Variants in LRSAM1 observed in about 807,000 individuals in gnomAD.
LRSAM1 encodes E3 ubiquitin-protein ligase LRSAM1.
In LRSAM1, 96 loss-of-function variants were observed where a neutral mutation model predicts 118.1. That is an observed-to-expected ratio of 0.81 (90% CI 0.69 to 0.96). The LOEUF is 0.96. Among genes scored for constraint, LRSAM1 ranks in the 40% least tolerant of loss-of-function variants. The pLI, the probability that LRSAM1 is intolerant of heterozygous loss-of-function variation, is 0.00. For synonymous variants in LRSAM1, 322 were observed against 364.2 expected (o/e 0.88, Z 1.32); for missense variants, 804 against 915.5 (o/e 0.88, Z 1.57).
At chr9:127,483,041 C>T (rs1835598847) in intron 16 of LRSAM1, 21 bp downstream of exon 16, 1 of 1,605,740 alleles carries the variant, frequency 6.2e-7, no homozygotes, top group Admixed American at 1.7e-5. Context: ...GGATGGGGAG[C>T]TTGTGAGCAC....
chr9:127,492,888 G>C lies in LRSAM1; in HGVS notation c.1590G>C (p.Arg530=), dbSNP rs1835986265. The C allele has an allele frequency of 6.8e-6, 11 of 1,613,984 alleles. No individual in the cohort carries two copies. In the South Asian group the frequency reaches 1.2e-4, roughly 18 times the overall value. The part of the protein sequence containing the change: ...KEKQQREEEL[R]EILTELEAKS... ...AGCAGCAGCGAGAGGAAGAGCTCCGGGAAATCCTGGTATGTGTTTGGCTTC... is the reference window on the plus strand; with the variant it reads ...AGCAGCAGCGAGAGGAAGAGCTCCGCGAAATCCTGGTATGTGTTTGGCTTC... Residue 530 remains arginine (R), a synonymous_variant, in exon 21 of 26, where the codon CGG becomes CGC. Coordinates refer to ENST00000300417, the MANE Select transcript of LRSAM1 (RefSeq NM_001005373.4).
chr9:127,501,210 C>T (rs1033432717), intron 25 of LRSAM1, 67 bp downstream of exon 25: 89 of 1,578,200 alleles, frequency 5.6e-5, no homozygotes, highest in Non-Finnish European at 7.0e-5. Flanking sequence ...TCTGCAGGTA[C>T]AGGGTTGTCT....
intron 23 of LRSAM1, among the ~76,000 whole-genome samples, chr9:127,496,827 C>T (rs369492293): frequency 5.3e-5 from 8 of 152,346 alleles, no homozygotes; most frequent in Admixed American, 2.6e-4. Flanking sequence ...AAGGCCATGC[C>T]GCTCAGGCTC....
intron 18 of LRSAM1, among the ~76,000 whole-genome samples, chr9:127,488,538 A>G (rs1310161135): frequency 6.6e-6 from 1 of 151,764 alleles, no homozygotes; most frequent in Non-Finnish European, 1.5e-5. Context: ...CTGGATTTAC[A>G]GGCATCAGAC....
At position 127,479,830 on chromosome 9, in the gene LRSAM1, C is replaced by T. The variant is rs1539568; in HGVS notation, c.904-9C>T. Reference sequence around the variant, plus strand: ...CCCAGGGGCTCAGGACCCCTACCTCCGGCTGCAGGAGCAGTCCCGGCTGGA... The same window carrying T: ...CCCAGGGGCTCAGGACCCCTACCTCTGGCTGCAGGAGCAGTCCCGGCTGGA... On this transcript the variant is annotated splice_polypyrimidine_tract_variant and intron_variant, in intron 13 of 25. Transcript: ENST00000300417. 737,485 of 1,610,924 alleles carry T rather than the reference C, an allele frequency of 0.46. 175,002 individuals are homozygous for T. Among genetic ancestry groups the T allele is most frequent in the Non-Finnish European group, 0.49 (573,019 of 1,177,678 alleles).
Position 127,479,381 on chromosome 9 carries a change from A to G in LRSAM1, c.781-2A>G, listed in dbSNP as rs778996687. The G allele has an allele frequency of 6.2e-7, 1 of 1,614,164 alleles. No individual in the cohort carries two copies. The stretch of plus-strand genomic sequence containing the variant: ...ACAGTCACCAGGATCTGTGTCTTGC[A>G]GGAACAGAAGATGCTGGAGAAACTC... On this transcript the variant is annotated splice_acceptor_variant, in intron 12 of 25. Transcript: ENST00000300417. LOFTEE classifies it high-confidence loss of function.
chr9:127,485,980 C>T (rs989909418), intron 17 of LRSAM1, 145 bp downstream of exon 17: 28 of 729,040 alleles, frequency 3.8e-5, no homozygotes, highest in Admixed American at 3.2e-4. Context: ...GTGATGGCTG[C>T]TCTTCCTGAG....
At chr9:127,497,394 T>A (rs1411846766) in intron 24 of LRSAM1, 60 bp downstream of exon 24, 8 of 1,510,244 alleles carry the variant, frequency 5.3e-6, no homozygotes, top group Admixed American at 3.4e-5. Flanking sequence ...TGGGCTCTGG[T>A]GGGGACAGTC....
chr9:127,501,930 C>A (rs1477304741), intron 25 of LRSAM1, among the ~76,000 whole-genome samples: 2 of 152,196 alleles, frequency 1.3e-5, no homozygotes, highest in Admixed American at 1.3e-4. Flanking sequence ...CCTATTGGTT[C>A]CAAATATAAT....
At chr9:127,495,504 CTCT>C in intron 22 of LRSAM1, 86 bp downstream of exon 22, 1 of 1,108,974 alleles carries the variant, frequency 9.0e-7, no homozygotes, top group African/African-American at 1.5e-5. Context: ...CATGCTCTGC[CTCT>C]TGTTACTTTT....
intron 17 of LRSAM1, chr9:127,487,437 G>T (rs1358190620): frequency 6.4e-6 from 3 of 467,076 alleles, no homozygotes; most frequent in Admixed American, 6.0e-5. Context: ...GGCAGGTTGG[G>T]TGAGAGGACC....
At chr9:127,487,611 C>A (rs763505762) in intron 17 of LRSAM1, 65 bp from the exon 18 acceptor site, 29 of 1,464,720 alleles carry the variant, frequency 2.0e-5, no homozygotes, top group Non-Finnish European at 2.4e-5. Flanking sequence ...CTCCAAGGGG[C>A]CTGGCACATA....
chr9:127,488,945 C>A, intron 18 of LRSAM1, among the ~76,000 whole-genome samples: 1 of 152,162 alleles, frequency 6.6e-6, no homozygotes, highest in Non-Finnish European at 1.5e-5. Context: ...CTTCCCTCGC[C>A]TTTCTCCCCT....
intron 6 of LRSAM1, 50 bp downstream of exon 6, chr9:127,457,443 C>T (rs112435797): frequency 2.4e-5 from 38 of 1,578,186 alleles, no homozygotes; most frequent in East Asian, 2.0e-4. Flanking sequence ...GGGTTCCACG[C>T]GGCAGCTGAG....
chr9:127,479,541 C>T, intron 13 of LRSAM1, 36 bp downstream of exon 13: 3 of 1,611,650 alleles, frequency 1.9e-6, no homozygotes, highest in African/African-American at 2.7e-5. Context: ...AGCCTGGCTG[C>T]ATCCCCCAGC....
At chr9:127,484,263 C>CTTTTTTTTTTTTTTTTTTTTTT (rs35834839) in intron 16 of LRSAM1, among the ~76,000 whole-genome samples, 1 of 133,666 alleles carries the variant, frequency 7.5e-6, no homozygotes, top group African/African-American at 2.8e-5. Flanking sequence ...ATTTCTTTCC[C>CTTTTTTTTTTTTTTTTTTTTTT]TTTTTTTTTT....
intron 8 of LRSAM1, 112 bp from the exon 9 acceptor site, chr9:127,462,140 G>T (rs1834770588): frequency 2.0e-6 from 3 of 1,486,420 alleles, no homozygotes; most frequent in Non-Finnish European, 2.8e-6. Context: ...AAACCTCAGA[G>T]CCCAGGATCT....
intron 20 of LRSAM1, among the ~76,000 whole-genome samples, chr9:127,491,677 T>C (rs1835939061): frequency 6.6e-6 from 1 of 152,232 alleles, no homozygotes; most frequent in African/African-American, 2.4e-5. Context: ...CTGGAGCTTT[T>C]GGGTGTCCCG....
Position 127,502,869 on chromosome 9 carries a change from C to T in LRSAM1, c.2142C>T (p.Ala714=), listed in dbSNP as rs985522732. The T allele has an allele frequency of 6.2e-7, 1 of 1,608,348 alleles. No homozygotes were observed. The highest frequency in any genetic ancestry group is 1.7e-5 in the Admixed American group (1 of 59,394). Residue 714 remains alanine, a synonymous_variant, in exon 26 of 26, where the codon GCC becomes GCT. Transcript: ENST00000300417. Reference sequence around the variant, plus strand: ...GCCCGCTGTGCCGCCAGGACATCGCCCAGCGCCTCCGCATCTACCACAGCA... The same window carrying T: ...GCCCGCTGTGCCGCCAGGACATCGCTCAGCGCCTCCGCATCTACCACAGCA... ...RTCPLCRQDI[A]QRLRIYHSS
Sources: allele counts gnomAD v4.1 joint callset (sites outside exome capture counted in the v4.1 genomes callset), GRCh38; gene constraint gnomAD v4.1.1; transcripts MANE v1.5; gene names NCBI Gene and HGNC (gene_info 2026-07-23, HGNC 2026-07-21).